PCOLCE: variants seen among roughly 807,000 people sequenced by gnomAD.
PCOLCE encodes procollagen C-endopeptidase enhancer, also known as procollagen C-endopeptidase enhancer 1.
In PCOLCE, 33 loss-of-function variants were observed where a neutral mutation model predicts 47.2. The ratio of observed to expected loss-of-function variants is 0.70; its 90% CI spans 0.53 to 0.93. PCOLCE has a LOEUF of 0.93. Among genes scored for constraint, PCOLCE ranks in the 40% least tolerant of loss-of-function variants. The pLI is 0.00. For synonymous variants in PCOLCE, 254 were observed against 252.5 expected (o/e 1.01, Z -0.06); for missense variants, 584 against 585.3 (o/e 1.00, Z 0.02).
rs142421811 is a variant in PCOLCE at position 100,602,473 on chromosome 7, C to G, written c.17C>G (p.Thr6Arg). Residue 6 changes from threonine to arginine, a missense_variant, in exon 1 of 9, where the codon ACA becomes AGA. Thr to Arg is a moderately conservative substitution (Grantham distance 71). Transcript: ENST00000223061. ...CCCGGGGCCATGCTGCCTGCAGCCA[C>G]AGCCTCCCTCCTGGGGCCCCTCCTC... Reference protein sequence around the residue: MLPAATASLLGPLLTA... With the variant: MLPAARASLLGPLLTA... The G allele has an allele frequency of 2.7e-5, 44 of 1,612,170 alleles. No homozygotes were observed. The African/African-American group carries it at 5.7e-4, about 21-fold the overall frequency.
intron 2 of PCOLCE, 177 bp from the exon 3 acceptor site, chr7:100,603,782 C>T (rs1802656869): frequency 4.4e-6 from 3 of 686,344 alleles, no homozygotes; most frequent in South Asian, 3.7e-5. Flanking sequence ...AGCTCTTGTC[C>T]CCTGCACAGG....
rs1479666472 is a variant in PCOLCE, at chr7:100,602,511, C to T, written c.55C>T (p.Leu19=). The T allele has an allele frequency of 1.1e-5, 17 of 1,613,112 alleles. No homozygotes were observed. Among genetic ancestry groups the T allele is most frequent in the Non-Finnish European group, 1.4e-5 (16 of 1,179,782 alleles). ...LLGPLLTACA[L]LPFAQGQTPN... The stretch of plus-strand genomic sequence containing the variant: ...GGGGCCCCTCCTCACTGCCTGCGCC[C>T]TGCTGCCTTTTGCCCAGGGCCAGAC... Residue 19 remains leucine (L), a synonymous_variant, in exon 1 of 9, where the codon CTG becomes TTG. Coordinates refer to ENST00000223061, the MANE Select transcript of PCOLCE (RefSeq NM_002593.4).
At position 100,605,050 on chromosome 7, in the gene PCOLCE, C is replaced by T; in HGVS notation, c.464-41C>T. 6.6e-7 allele frequency: 1 copy of T among 1,519,188 alleles called. No homozygotes were observed. Among genetic ancestry groups the T allele is most frequent in the Non-Finnish European group, 9.1e-7 (1 of 1,100,734 alleles). 94.1% of individuals were successfully genotyped at this position (1,519,188 alleles called of 1,614,324 possible). A position where few individuals can be genotyped will look rare whatever the true frequency, so the allele number is the denominator to read the frequency against. On this transcript the variant is annotated intron_variant, in intron 3 of 8. Transcript: ENST00000223061. This position sits in a 1 kb window ranked among gnomAD's most constrained non-coding sequence, Gnocchi z 6.1. ...AGTTCTCCTGAAGCTGACCGAGGGTCTCCACCGCCCCCCACCCCCGCTCCT... is the reference window on the plus strand; with the variant it reads ...AGTTCTCCTGAAGCTGACCGAGGGTTTCCACCGCCCCCCACCCCCGCTCCT...
chr7:100,606,647 G>A lies in PCOLCE; in HGVS notation c.940+17G>A, dbSNP rs1438089266. 4 of 1,569,108 alleles carry A rather than the reference G, an allele frequency of 2.5e-6. No homozygotes were observed. The highest frequency in any genetic ancestry group is 3.5e-6 in the Non-Finnish European group (4 of 1,150,820). On this transcript the variant is annotated intron_variant, in intron 6 of 8. Coordinates refer to ENST00000223061, the MANE Select transcript of PCOLCE (RefSeq NM_002593.4). The stretch of plus-strand genomic sequence containing the variant: ...CAGCCCCTGGTGAGTCTGGGATAGG[G>A]GAGGAAGGGGAAACAGACTGAAGGG...
rs1010830021 is a variant in PCOLCE, at chr7:100,606,680, T to G, written c.940+50T>G. 2.8e-6 allele frequency: 4 copies of G among 1,429,552 alleles called. No homozygotes were observed. In the Admixed American group the frequency reaches 9.0e-5, roughly 32 times the overall value. 88.6% of individuals were successfully genotyped at this position (1,429,552 alleles called of 1,614,324 possible). A position where few individuals can be genotyped will look rare whatever the true frequency, so the allele number is the denominator to read the frequency against. Reference sequence around the variant, plus strand: ...GGGAAACAGACTGAAGGGGGCCATTTCAAAAAGTTCTGACCTGGGCTGTGG... The same window carrying G: ...GGGAAACAGACTGAAGGGGGCCATTGCAAAAAGTTCTGACCTGGGCTGTGG... On this transcript the variant is annotated intron_variant, in intron 6 of 8. Transcript: ENST00000223061.
chr7:100,603,956 C>G lies in PCOLCE; in HGVS notation c.205-3C>G. On this transcript the variant is annotated splice_region_variant and splice_polypyrimidine_tract_variant and intron_variant, in intron 2 of 8. Transcript: ENST00000223061. ...GGGTCCCCGCCTCTGTCCCCGCTAT[C>G]AGGTCCCCGAGGGCCAGACTGTGTC... 6.2e-7 allele frequency: 1 copy of G among 1,600,160 alleles called. No individual in the cohort carries two copies.
Sources: allele counts gnomAD v4.1 joint callset, GRCh38; gene constraint gnomAD v4.1.1; non-coding constraint Gnocchi (gnomAD v3.1); transcripts MANE v1.5; gene names NCBI Gene and HGNC (gene_info 2026-07-23, HGNC 2026-07-21).